DIMT1: variants seen among roughly 807,000 people sequenced by gnomAD.
The protein encoded by DIMT1 is DIM1 rRNA methyltransferase and ribosome maturation factor.
Under a neutral mutation model 43.2 loss-of-function variants are expected in DIMT1, and 36 were observed. The observed-to-expected ratio is 0.83, with a 90% CI of 0.64 to 1.10. The LOEUF (loss-of-function observed/expected upper bound fraction) is 1.10. Among genes scored for constraint, DIMT1 ranks in the 50% least tolerant of loss-of-function variants. The probability of loss-of-function intolerance (pLI) is 0.00; values close to 1 mark genes in which losing one functional copy is unlikely to be tolerated. For synonymous variants in DIMT1, 126 were observed against 130.3 expected, an observed-to-expected ratio of 0.97 and a Z score of 0.22; for missense variants, 341 against 385.3, an observed-to-expected ratio of 0.88 and a Z score of 0.96.
chr5:62,398,622 G>A (rs780580392), intron 5 of DIMT1, 24 bp downstream of exon 5: 3 of 1,613,746 alleles, frequency 1.9e-6, no homozygotes, highest in East Asian at 2.2e-5. Flanking sequence ...TTAGTATGAT[G>A]TTCCTGAAAA....
At chr5:62,394,688 G>A in intron 6 of DIMT1, 81 bp from the exon 7 acceptor site, 1 of 1,583,642 alleles carries the variant, frequency 6.3e-7, no homozygotes, top group Non-Finnish European at 8.6e-7. Context: ...ATTTTCTTGG[G>A]AGAGAAATAG....
chr5:62,399,204 C>T lies in DIMT1; in HGVS notation c.241-323G>A, dbSNP rs550381136. ...ATATTAGGCCAGGTGCAGTGGCTCA[C>T]GCCTGTAATCCCAACACTTTGGGAG... is the stretch of plus-strand genomic sequence containing the variant. On this transcript the variant is annotated intron_variant, in intron 3 of 11. Coordinates refer to ENST00000199320, the MANE Select transcript of DIMT1 (RefSeq NM_014473.4). Among the ~76,000 whole-genome samples, 109 of 152,268 alleles carry T rather than the reference C, an allele frequency of 7.2e-4. 1 individual carries two copies. The highest frequency in any genetic ancestry group is 1.2e-3 in the African/African-American group (49 of 41,562).
At position 62,388,175 on chromosome 5, in the gene DIMT1, T is replaced by C. The variant is rs1157779702; in HGVS notation, c.*835A>G. The C allele has an allele frequency of 3.3e-5, 5 of 152,156 alleles. No homozygotes were observed. Among genetic ancestry groups the C allele is most frequent in the African/African-American group, 1.2e-4 (5 of 41,440 alleles). 9.4% of individuals were successfully genotyped at this position (152,156 alleles called of 1,614,324 possible). A position where few individuals can be genotyped will look rare whatever the true frequency, so the allele number is the denominator to read the frequency against. On this transcript the variant is annotated 3_prime_UTR_variant, in exon 12 of 12. Coordinates refer to ENST00000199320, the MANE Select transcript of DIMT1 (RefSeq NM_014473.4). Reference sequence around the variant, plus strand: ...ACTGGAAATTTTAATTGTCCAGAAATCATAGGAATACTGGGAACCTGTAGT... The same window carrying C: ...ACTGGAAATTTTAATTGTCCAGAAACCATAGGAATACTGGGAACCTGTAGT...
At chr5:62,394,069 A>G in intron 7 of DIMT1, 22 bp from the exon 8 acceptor site, 1 of 1,607,768 alleles carries the variant, frequency 6.2e-7, no homozygotes, top group Non-Finnish European at 8.5e-7. Flanking sequence ...AAAGTATTTA[A>G]GTAGTACTCA....
Position 62,394,046 on chromosome 5 carries a change from A to G in DIMT1, c.572T>C (p.Val191Ala). The change falls in exon 8 of 12, where the codon GTG (valine) becomes GCG (alanine). Residue 191 changes from valine (V) to alanine (A), a missense_variant and splice_region_variant. Physicochemically the swap from Val to Ala is moderately conservative, Grantham distance 64. Transcript: ENST00000199320. ...CGGTGGTCTGAAGTTATTCTTTCCC[A>G]CCTGTTAATGAAAAAGTATTTAAGT... ...LLARVDHLMK[V>A]GKNNFRPPPK... 6.2e-7 allele frequency: 1 copy of G among 1,610,166 alleles called. No individual in the cohort carries two copies. Among genetic ancestry groups the G allele is most frequent in the Non-Finnish European group, 8.5e-7 (1 of 1,179,074 alleles).
chr5:62,391,046 T>G (rs779784803), intron 10 of DIMT1, 64 bp from the exon 11 acceptor site: 1 of 1,372,140 alleles, frequency 7.3e-7, no homozygotes, highest in Non-Finnish European at 1.0e-6. Flanking sequence ...TTGACTCTTT[T>G]TTTTAGTTCA....
Position 62,397,815 on chromosome 5 carries a change from G to A in DIMT1, c.446+696C>T, listed in dbSNP as rs369771224. Reference sequence around the variant, plus strand: ...AGGCGCCCGCCACTACGCCCGGCTAGTTTTTTGTATTTTTAGTAGATGTGG... The same window carrying A: ...AGGCGCCCGCCACTACGCCCGGCTAATTTTTTGTATTTTTAGTAGATGTGG... On this transcript the variant is annotated intron_variant, in intron 6 of 11. Transcript: ENST00000199320. Among the ~76,000 whole-genome samples, 271 of 152,156 alleles carry A rather than the reference G, an allele frequency of 1.8e-3. 4 individuals carry two copies. In the East Asian group the frequency reaches 0.045, roughly 25 times the overall value.
intron 6 of DIMT1, 71 bp downstream of exon 6, chr5:62,398,440 T>G (rs1226912035): frequency 4.1e-6 from 6 of 1,481,134 alleles, no homozygotes; most frequent in African/African-American, 1.4e-5. Context: ...TGACTCATTT[T>G]TGGCTATGTT....
At chr5:62,399,914 C>T (rs1199558313) in intron 3 of DIMT1, among the ~76,000 whole-genome samples, 3 of 151,958 alleles carry the variant, frequency 2.0e-5, no homozygotes, top group Non-Finnish European at 4.4e-5. Context: ...CAAAAACAAA[C>T]AAACAAACAA....
intron 9 of DIMT1, 53 bp from the exon 10 acceptor site, chr5:62,392,287 T>C (rs1443985544): frequency 2.0e-6 from 3 of 1,536,668 alleles, no homozygotes; most frequent in South Asian, 1.2e-5. Context: ...CAGAGTAATT[T>C]CTTACTTTTT....
In DIMT1 at chr5:62,402,262, C is replaced by T. The variant is rs950512087; in HGVS notation, c.154-140G>A. The T allele has an allele frequency of 1.6e-5, 13 of 807,106 alleles. No homozygotes were observed. In the East Asian group the frequency reaches 2.0e-4, roughly 12 times the overall value. 50.0% of individuals were successfully genotyped at this position (807,106 alleles called of 1,614,324 possible). A position where few individuals can be genotyped will look rare whatever the true frequency, so the allele number is the denominator to read the frequency against. On this transcript the variant is annotated intron_variant, in intron 2 of 11. Coordinates refer to ENST00000199320, the MANE Select transcript of DIMT1 (RefSeq NM_014473.4). ...CATTTTTAGATTTCTTCATGATCTA[C>T]GTGGTTAACAAAATTACCTCAATAA...
At chr5:62,402,456 A>T (rs980030581) in intron 2 of DIMT1, among the ~76,000 whole-genome samples, 1 of 152,204 alleles carries the variant, frequency 6.6e-6, no homozygotes, top group Non-Finnish European at 1.5e-5. Flanking sequence ...AACAAGTTCA[A>T]ATGGGAAAGG....
rs771479806 is a variant in DIMT1 at position 62,398,718 on chromosome 5, T to G, written c.324A>C (p.Gln108His). ...VQGTPVASKL[Q>H]VLVGDVLKTD... The stretch of plus-strand genomic sequence containing the variant: ...TTTTCAGCACATCACCCACCAGTAC[T>G]TGAAGTTTGCTGGCCACAGGCCTGA... Residue 108 changes from glutamine to histidine, a missense_variant, in exon 5 of 12, where the codon CAA becomes CAC. By Grantham distance (24) the Gln-to-His change is conservative. Coordinates refer to ENST00000199320, the MANE Select transcript of DIMT1 (RefSeq NM_014473.4). 3 of 1,614,188 alleles carry G rather than the reference T, an allele frequency of 1.9e-6. No homozygotes were observed. The highest frequency in any genetic ancestry group is 2.5e-6 in the Non-Finnish European group (3 of 1,180,022).
chr5:62,401,765 T>C (rs1742714920), intron 3 of DIMT1, among the ~76,000 whole-genome samples: 1 of 151,614 alleles, frequency 6.6e-6, no homozygotes, highest in Non-Finnish European at 1.5e-5. Context: ...GTATTTTTAG[T>C]TGAGATGGGG....
rs1270386702 is a variant in DIMT1, at chr5:62,387,749, AT to A, written c.*1260del. On this transcript the variant is annotated 3_prime_UTR_variant, in exon 12 of 12. Coordinates refer to ENST00000199320, the MANE Select transcript of DIMT1 (RefSeq NM_014473.4). ...TAGTTTTGTGAAATTAAACAAAAAA[AT>A]CTACTCTTAATGTATATTATTTCAT... is the stretch of plus-strand genomic sequence containing the variant. The A allele has an allele frequency of 7.7e-6, 1 of 129,538 alleles. No homozygotes were observed. The highest frequency in any genetic ancestry group is 1.6e-5 in the Non-Finnish European group (1 of 62,054). 8.0% of individuals were successfully genotyped at this position (129,538 alleles called of 1,614,324 possible). A position where few individuals can be genotyped will look rare whatever the true frequency, so the allele number is the denominator to read the frequency against.
Position 62,388,127 on chromosome 5 carries a change from A to G in DIMT1, c.*883T>C, listed in dbSNP as rs575549737. 6.6e-6 allele frequency: 1 copy of G among 152,312 alleles called. No individual in the cohort carries two copies. Among genetic ancestry groups the G allele is most frequent in the African/African-American group, 2.4e-5 (1 of 41,576 alleles). 9.4% of individuals were successfully genotyped at this position (152,312 alleles called of 1,614,324 possible). A position where few individuals can be genotyped will look rare whatever the true frequency, so the allele number is the denominator to read the frequency against. On this transcript the variant is annotated 3_prime_UTR_variant, in exon 12 of 12. Transcript: ENST00000199320. ...ACAGTTTTAAAATAGCTTAAAACTA[A>G]GCACCAGGTATATGAAAAAGGAACT...
intron 3 of DIMT1, among the ~76,000 whole-genome samples, chr5:62,399,837 C>T (rs2112052835): frequency 6.6e-6 from 1 of 152,136 alleles, no homozygotes; most frequent in South Asian, 2.1e-4. Flanking sequence ...ACCAGGGAGT[C>T]AGAGGTTGCA....
At chr5:62,399,272 G>C (rs1445055983) in intron 3 of DIMT1, among the ~76,000 whole-genome samples, 1 of 152,210 alleles carries the variant, frequency 6.6e-6, no homozygotes, top group Non-Finnish European at 1.5e-5. Context: ...TTCGAAACCA[G>C]CCTGGCCAAC....
In DIMT1 at chr5:62,388,394, G is replaced by A. The variant is rs1422975700; in HGVS notation, c.*616C>T. ...TTTAATATGCCTGGCACTGCACGGT[G>A]GCAGTAGCAGACTTGGGCTTACCCA... is the stretch of plus-strand genomic sequence containing the variant. On this transcript the variant is annotated 3_prime_UTR_variant, in exon 12 of 12. Transcript: ENST00000199320. 6.6e-6 allele frequency: 1 copy of A among 152,248 alleles called. No homozygotes were observed. 9.4% of individuals were successfully genotyped at this position (152,248 alleles called of 1,614,324 possible).
Sources: allele counts gnomAD v4.1 joint callset (sites outside exome capture counted in the v4.1 genomes callset), GRCh38; gene constraint gnomAD v4.1.1; transcripts MANE v1.5; gene names NCBI Gene and HGNC (gene_info 2026-07-23, HGNC 2026-07-21).